PIK3AP1: variants seen among roughly 807,000 people sequenced by gnomAD.
PIK3AP1 encodes phosphoinositide-3-kinase adaptor protein 1.
PIK3AP1 carries 21 observed loss-of-function variants against 88.1 expected under a neutral mutation model. The observed-to-expected ratio is 0.24, with a 90% CI of 0.17 to 0.34. PIK3AP1 has a LOEUF of 0.34. PIK3AP1 is among the 10% of genes least tolerant of loss of function. PIK3AP1 has a pLI of 1.00. For synonymous variants in PIK3AP1, 398 were observed against 400.0 expected, an observed-to-expected ratio of 1.00 and a Z score of 0.06; for missense variants, 828 against 1,035.7, an observed-to-expected ratio of 0.80 and a Z score of 2.75.
At chr10:96,627,356 C>G (rs1173322283) in intron 9 of PIK3AP1, among the ~76,000 whole-genome samples, 2 of 152,164 alleles carry the variant, frequency 1.3e-5, no homozygotes, top group Non-Finnish European at 2.9e-5. Flanking sequence ...GAGTTGGGGT[C>G]AGCACACATT....
chr10:96,709,434 G>T, intron 2 of PIK3AP1, 133 bp downstream of exon 2: 5 of 1,118,092 alleles, frequency 4.5e-6, no homozygotes, highest in Non-Finnish European at 3.8e-6. Context: ...GAAATAGGCT[G>T]CTCTAAACCC....
intron 2 of PIK3AP1, among the ~76,000 whole-genome samples, chr10:96,659,730 AT>A (rs1843661257): frequency 6.6e-6 from 1 of 152,016 alleles, no homozygotes; most frequent in Non-Finnish European, 1.5e-5. Flanking sequence ...TGCAATTTTA[AT>A]AGAAAAATAT....
intron 8 of PIK3AP1, among the ~76,000 whole-genome samples, chr10:96,632,733 T>C (rs1318970761): frequency 1.3e-5 from 2 of 152,232 alleles, no homozygotes; most frequent in Non-Finnish European, 2.9e-5. Flanking sequence ...TGAGCCTCCC[T>C]GAGAGTGTCT....
At chr10:96,625,466 A>G (rs1423828272) in intron 10 of PIK3AP1, among the ~76,000 whole-genome samples, 3 of 152,224 alleles carry the variant, frequency 2.0e-5, no homozygotes, top group Non-Finnish European at 4.4e-5. Context: ...GGCAGTACAT[A>G]ATATCTCACA....
chr10:96,687,255 CAAAAAAAAA>C (rs59631566), intron 2 of PIK3AP1, among the ~76,000 whole-genome samples: 1 of 55,306 alleles, frequency 1.8e-5, no homozygotes, highest in Non-Finnish European at 3.2e-5. Flanking sequence ...TACTCCATCT[CAAAAAAAAA>C]AAAAAAAAAA....
At chr10:96,666,933 ATCACT>A (rs1843771332) in intron 2 of PIK3AP1, among the ~76,000 whole-genome samples, 1 of 152,020 alleles carries the variant, frequency 6.6e-6, no homozygotes. Context: ...AGTGGAAGGT[ATCACT>A]TCCTATTCCT....
At chr10:96,710,887 T>C (rs1282570424) in intron 1 of PIK3AP1, among the ~76,000 whole-genome samples, 1 of 152,182 alleles carries the variant, frequency 6.6e-6, no homozygotes, top group Non-Finnish European at 1.5e-5. Context: ...GTGCTTGTCA[T>C]ATAGAAAACC....
intron 2 of PIK3AP1, among the ~76,000 whole-genome samples, chr10:96,685,038 C>T (rs1045616297): frequency 1.1e-4 from 16 of 152,126 alleles, no homozygotes; most frequent in African/African-American, 3.4e-4. Flanking sequence ...ATGATGCAGA[C>T]GTGTGGCTTT....
intron 15 of PIK3AP1, chr10:96,603,703 CACACACACCA>C: frequency 4.0e-6 from 1 of 249,066 alleles, no homozygotes; most frequent in South Asian, 6.0e-5. Context: ...CACACACACA[CACACACACCA>C]CATATATATA....
chr10:96,626,644 T>A, intron 10 of PIK3AP1, 64 bp downstream of exon 10: 1 of 1,537,842 alleles, frequency 6.5e-7, no homozygotes, highest in African/African-American at 1.4e-5. Flanking sequence ...AGCCAGGTCA[T>A]CCAGGAAATC....
intron 1 of PIK3AP1, among the ~76,000 whole-genome samples, chr10:96,711,212 C>T (rs61288415): frequency 0.15 from 22,747 of 152,228 alleles, 1,935 homozygotes; most frequent in East Asian, 0.25. Flanking sequence ...CCAGAACTGA[C>T]ACTCAGGTTA....
intron 8 of PIK3AP1, among the ~76,000 whole-genome samples, chr10:96,636,256 A>T (rs1048948298): frequency 1.3e-5 from 2 of 151,964 alleles, no homozygotes; most frequent in Admixed American, 1.3e-4. Flanking sequence ...ACAAAAATTA[A>T]AAAAAATTAT....
intron 7 of PIK3AP1, 111 bp from the exon 8 acceptor site, chr10:96,645,773 G>A: frequency 1.2e-6 from 1 of 847,234 alleles, no homozygotes; most frequent in Non-Finnish European, 1.8e-6. Flanking sequence ...CATGAGTCAG[G>A]ATTACAACTG....
intron 2 of PIK3AP1, among the ~76,000 whole-genome samples, chr10:96,687,360 C>T (rs1253050324): frequency 6.6e-6 from 1 of 151,164 alleles, no homozygotes; most frequent in Non-Finnish European, 1.5e-5. Flanking sequence ...GAGCCTGGTC[C>T]ATGGTGGGTG....
At chr10:96,618,107 C>T (rs187117749) in intron 12 of PIK3AP1, among the ~76,000 whole-genome samples, 1 of 152,162 alleles carries the variant, frequency 6.6e-6, no homozygotes, top group African/African-American at 2.4e-5. Context: ...GGGAACCAAA[C>T]AATGTGAGCC....
At chr10:96,682,809 AT>A (rs1589535238) in intron 2 of PIK3AP1, among the ~76,000 whole-genome samples, 1 of 152,230 alleles carries the variant, frequency 6.6e-6, no homozygotes, top group Non-Finnish European at 1.5e-5. Flanking sequence ...CAACTTTTCC[AT>A]CTCTGATGTA....
chr10:96,696,412 C>G (rs1844222434), intron 2 of PIK3AP1, among the ~76,000 whole-genome samples: 2 of 152,092 alleles, frequency 1.3e-5, no homozygotes, highest in Non-Finnish European at 2.9e-5. Flanking sequence ...ATATGACAAG[C>G]CCTATTGTGG....
At chr10:96,635,510 C>T (rs762987067) in intron 8 of PIK3AP1, among the ~76,000 whole-genome samples, 14 of 152,188 alleles carry the variant, frequency 9.2e-5, no homozygotes, top group East Asian at 1.9e-4. Context: ...CATGGGCCTC[C>T]GTGCCCCTAT....
Position 96,609,790 on chromosome 10 carries a change from G to C in PIK3AP1, c.2092C>G (p.Pro698Ala), listed in dbSNP as rs1849074206. Reference protein sequence around the residue: ...KVEFGVYESGPRKSVIPPRTE... With the variant: ...KVEFGVYESGARKSVIPPRTE... ...CTAGGGGGAATGACACTTTTCCTGGGGCCACTCTCATAGACTCCAAACTCC... is the reference window on the plus strand; with the variant it reads ...CTAGGGGGAATGACACTTTTCCTGGCGCCACTCTCATAGACTCCAAACTCC... The change falls in exon 14 of 17, where the codon CCC becomes GCC. Residue 698 changes from proline (P) to alanine (A), a missense_variant. Coordinates refer to ENST00000339364, the MANE Select transcript of PIK3AP1 (RefSeq NM_152309.3). 1 of 1,614,060 alleles carries C rather than the reference G, an allele frequency of 6.2e-7. No individual in the cohort carries two copies. Among genetic ancestry groups the C allele is most frequent in the Non-Finnish European group, 8.5e-7 (1 of 1,179,972 alleles).
Sources: gnomAD v4.1 joint callset for allele counts (sites outside exome capture counted in the v4.1 genomes callset) on GRCh38, gnomAD v4.1.1 for gene constraint, MANE v1.5 for transcripts, NCBI Gene and HGNC (gene_info 2026-07-23, HGNC 2026-07-21) for gene names.